DYM: variants seen among roughly 807,000 people sequenced by gnomAD.
DYM encodes the protein dyggve-Melchior-Clausen syndrome protein.
Under a neutral mutation model 93.1 loss-of-function variants are expected in DYM, and 78 were observed. That is an observed-to-expected ratio of 0.84 (90% CI 0.70 to 1.01). The LOEUF is 1.01. Ranked by LOEUF, DYM falls within the 50% of genes least tolerant of loss-of-function variation. DYM has a pLI of 0.00. For missense variants in DYM, 789 were observed against 845.0 expected, an observed-to-expected ratio of 0.93 and a Z score of 0.82; for synonymous variants, 321 against 319.7, an observed-to-expected ratio of 1.00 and a Z score of -0.04.
chr18:49,356,663 C>T (rs945013489), intron 6 of DYM, among the ~76,000 whole-genome samples: 5 of 152,120 alleles, frequency 3.3e-5, no homozygotes, highest in East Asian at 1.9e-4. Flanking sequence ...TCTCTTCCAA[C>T]GACTTGGAGA....
chr18:49,296,192 G>A (rs62104611), intron 8 of DYM, among the ~76,000 whole-genome samples: 17,153 of 152,130 alleles, frequency 0.11, 1,308 homozygotes, highest in African/African-American at 0.22. Context: ...GCCTCCCAAC[G>A]TGCTAGGATT....
At chr18:49,121,897 T>C (rs1016034140) in intron 15 of DYM, among the ~76,000 whole-genome samples, 1 of 152,232 alleles carries the variant, frequency 6.6e-6, no homozygotes, top group Non-Finnish European at 1.5e-5. Flanking sequence ...TTACCTGCAC[T>C]ATACAAAATA....
intron 11 of DYM, 106 bp from the exon 12 acceptor site, chr18:49,258,599 A>C: frequency 1.3e-6 from 1 of 755,012 alleles, no homozygotes; most frequent in African/African-American, 1.7e-5. Context: ...TCTGAAGGTG[A>C]GTTAAGCAGC....
At chr18:49,230,794 T>C (rs2093672286) in intron 13 of DYM, among the ~76,000 whole-genome samples, 1 of 152,208 alleles carries the variant, frequency 6.6e-6, no homozygotes. Context: ...GATTTTCTCC[T>C]TAAGAATCCA....
chr18:49,257,100 T>A lies in DYM; in HGVS notation c.1370A>T (p.Lys457Met). ...IQYNMTRTRD[K>M]YLHTNCLAAL... ...TGCCAAACAATTTGTGTGAAGGTACTTGTCCTGTGAGGAAACAGCGGGTGT... is the reference window on the plus strand; with the variant it reads ...TGCCAAACAATTTGTGTGAAGGTACATGTCCTGTGAGGAAACAGCGGGTGT... The change falls in exon 13 of 18, where the codon AAG (lysine) becomes ATG (methionine). Residue 457 changes from lysine to methionine, a missense_variant. Physicochemically the swap from Lys to Met is moderately conservative, Grantham distance 95. Around this residue, in one of 3 missense-constraint regions of DYM, gnomAD observed 225 missense variants for 303.0 expected, o/e 0.74. Coordinates refer to ENST00000675505, the MANE Select transcript of DYM (RefSeq NM_001353214.3). 1 of 1,613,584 alleles carries A rather than the reference T, an allele frequency of 6.2e-7. No individual in the cohort carries two copies.
chr18:49,244,149 C>G (rs949097929), intron 13 of DYM, among the ~76,000 whole-genome samples: 10 of 152,164 alleles, frequency 6.6e-5, no homozygotes, highest in Non-Finnish European at 1.5e-4. Flanking sequence ...TTGTCATCAA[C>G]TAACTTCTCT....
At chr18:49,065,917 T>C (rs1487433502) in intron 17 of DYM, among the ~76,000 whole-genome samples, 1 of 152,128 alleles carries the variant, frequency 6.6e-6, no homozygotes, top group Non-Finnish European at 1.5e-5. Flanking sequence ...TAATTTTCCA[T>C]AGGTGATTTT....
chr18:49,395,027 A>G (rs1366361785), intron 2 of DYM, among the ~76,000 whole-genome samples: 1 of 149,842 alleles, frequency 6.7e-6, no homozygotes, highest in Non-Finnish European at 1.5e-5. Context: ...ACCTGAAACT[A>G]TGAAAACTAC....
chr18:49,112,227 T>C (rs986626680), intron 16 of DYM, among the ~76,000 whole-genome samples: 1 of 151,506 alleles, frequency 6.6e-6, no homozygotes, highest in African/African-American at 2.4e-5. Flanking sequence ...CATTTTTCTA[T>C]TGGTACATCA....
rs972042727 is a variant in DYM at position 49,044,264 on chromosome 18, G to A, written c.2026-60C>T. 6.2e-6 allele frequency: 10 copies of A among 1,601,764 alleles called. No homozygotes were observed. The Admixed American group carries it at 6.7e-5, about 11-fold the overall frequency. On this transcript the variant is annotated intron_variant, in intron 17 of 17. Coordinates refer to ENST00000675505, the MANE Select transcript of DYM (RefSeq NM_001353214.3). The stretch of plus-strand genomic sequence containing the variant: ...AGTTCCATGCACAAGCAAAAGTGGT[G>A]AGAGTTTGCAGGTGGTGCTGTGGTG...
At chr18:49,050,177 C>T (rs2072224276) in intron 17 of DYM, among the ~76,000 whole-genome samples, 1 of 151,260 alleles carries the variant, frequency 6.6e-6, no homozygotes, top group South Asian at 2.1e-4. Context: ...ACCTCCGCCT[C>T]CCGGGTTCAA....
chr18:49,292,154 A>C (rs1336931069), intron 8 of DYM, among the ~76,000 whole-genome samples: 1 of 152,154 alleles, frequency 6.6e-6, no homozygotes, highest in Admixed American at 6.6e-5. Context: ...TAAATTGCAC[A>C]AACAAAATTC....
intron 13 of DYM, among the ~76,000 whole-genome samples, chr18:49,213,663 A>C (rs2146197876): frequency 6.6e-6 from 1 of 152,344 alleles, no homozygotes; most frequent in Non-Finnish European, 1.5e-5. Flanking sequence ...TAAAAAAATG[A>C]GATTACCAGA....
chr18:49,166,871 G>C (rs1000541201), intron 14 of DYM, among the ~76,000 whole-genome samples: 2 of 151,964 alleles, frequency 1.3e-5, no homozygotes, highest in Admixed American at 1.3e-4. Context: ...CTTGGTGTTA[G>C]GAAGAAGAAA....
intron 8 of DYM, among the ~76,000 whole-genome samples, chr18:49,331,270 T>C (rs79434177): frequency 0.014 from 2,160 of 152,314 alleles, 51 homozygotes; most frequent in African/African-American, 0.049. Context: ...CTCTTACTTC[T>C]AGTGTCTGTA....
At chr18:49,348,352 A>G (rs1362120091) in intron 6 of DYM, among the ~76,000 whole-genome samples, 1 of 152,330 alleles carries the variant, frequency 6.6e-6, no homozygotes, top group South Asian at 2.1e-4. Flanking sequence ...TAGTACAGAT[A>G]TTATCAACAA....
intron 3 of DYM, among the ~76,000 whole-genome samples, chr18:49,382,835 C>A (rs1391513015): frequency 2.6e-5 from 4 of 152,174 alleles, no homozygotes; most frequent in Non-Finnish European, 5.9e-5. Flanking sequence ...CCCATCCCTA[C>A]AAGAATTCAA....
chr18:49,087,334 A>G (rs1177706994), intron 17 of DYM, among the ~76,000 whole-genome samples: 4 of 152,244 alleles, frequency 2.6e-5, no homozygotes, highest in African/African-American at 7.2e-5. Flanking sequence ...TCAAGATGCA[A>G]TAATAATAAA....
intron 13 of DYM, among the ~76,000 whole-genome samples, chr18:49,246,111 G>A (rs1366968241): frequency 6.6e-6 from 1 of 152,158 alleles, no homozygotes; most frequent in Non-Finnish European, 1.5e-5. Flanking sequence ...TGAACAAATT[G>A]TAAATGCTCG....
Sources: gnomAD v4.1 joint callset for allele counts (sites outside exome capture counted in the v4.1 genomes callset) on GRCh38, gnomAD v4.1.1 for gene constraint, gnomAD v4.1.1 regional missense constraint, MANE v1.5 for transcripts, NCBI Gene and HGNC (gene_info 2026-07-23, HGNC 2026-07-21) for gene names.